Variants in TANK observed in about 807,000 individuals in gnomAD.
The protein encoded by TANK is TRAF family member associated NFKB activator.
Under a neutral mutation model 43.6 loss-of-function variants are expected in TANK, and 15 were observed. The observed-to-expected ratio is 0.34, with a 90% CI of 0.23 to 0.53. TANK has a LOEUF of 0.53. Among genes scored for constraint, TANK ranks in the 20% least tolerant of loss-of-function variants. The pLI, the probability that TANK is intolerant of heterozygous loss-of-function variation, is 0.94. For missense variants in TANK, 417 were observed against 498.6 expected (o/e 0.84, Z 1.56); for synonymous variants, 162 against 178.2 (o/e 0.91, Z 0.73).
At chr2:161,155,000 C>T (rs1193554784) in intron 1 of TANK, among the ~76,000 whole-genome samples, 1 of 152,068 alleles carries the variant, frequency 6.6e-6, no homozygotes, top group Non-Finnish European at 1.5e-5. Context: ...CTGCCTTGGC[C>T]TCTCAAAGTG....
At chr2:161,164,994 T>G (rs3769981) in intron 1 of TANK, among the ~76,000 whole-genome samples, 16,941 of 151,192 alleles carry the variant, frequency 0.11, 1,618 homozygotes, top group African/African-American at 0.25. Context: ...AGAGTAAACA[T>G]TTTGAGTACT....
At chr2:161,176,727 T>G (rs1685189533) in intron 1 of TANK, among the ~76,000 whole-genome samples, 1 of 152,108 alleles carries the variant, frequency 6.6e-6, no homozygotes, top group Non-Finnish European at 1.5e-5. Flanking sequence ...CCCAAAAGAT[T>G]TAGTGGCCCT....
In TANK at chr2:161,231,205, G is replaced by A. The variant is rs762086999; in HGVS notation, c.755G>A (p.Arg252Lys). The A allele has an allele frequency of 6.2e-7, 1 of 1,613,970 alleles. No homozygotes were observed. Among genetic ancestry groups the A allele is most frequent in the East Asian group, 2.2e-5 (1 of 44,886 alleles). Residue 252 changes from arginine to lysine, a missense_variant, in exon 7 of 8, where the codon AGA becomes AAA. Arg to Lys is a conservative substitution (Grantham distance 26, BLOSUM62 2). Transcript: ENST00000392749. Reference sequence around the variant, plus strand: ...ACTTTCTTACATAGCACTCCAGAGAGACCCGGCATCCTTAGTCCTGCCACG... The same window carrying A: ...ACTTTCTTACATAGCACTCCAGAGAAACCCGGCATCCTTAGTCCTGCCACG... The part of the protein sequence containing the change: ...DSTFLHSTPE[R>K]PGILSPATSE...
At chr2:161,234,360 T>C (rs1336805793) in intron 7 of TANK, among the ~76,000 whole-genome samples, 1 of 152,202 alleles carries the variant, frequency 6.6e-6, no homozygotes, top group Non-Finnish European at 1.5e-5. Flanking sequence ...TGATTCTTCT[T>C]AAAATATCAG....
intron 1 of TANK, among the ~76,000 whole-genome samples, chr2:161,143,957 T>C (rs2105215396): frequency 6.6e-6 from 1 of 152,266 alleles, no homozygotes; most frequent in East Asian, 1.9e-4. Flanking sequence ...CTTTTGTTGG[T>C]TGGTAGGGTA....
chr2:161,223,094 C>T (rs1687431718), intron 4 of TANK: 1 of 152,080 alleles, frequency 6.6e-6, no homozygotes, highest in Non-Finnish European at 1.5e-5. Flanking sequence ...GACAGATATC[C>T]ACTGGTTTGG....
At chr2:161,173,900 G>T (rs1685064993) in intron 1 of TANK, among the ~76,000 whole-genome samples, 1 of 152,088 alleles carries the variant, frequency 6.6e-6, no homozygotes, top group East Asian at 1.9e-4. Flanking sequence ...AGTGTTCTAG[G>T]TGGCTTGTCA....
At chr2:161,172,303 T>C (rs1043282502) in intron 1 of TANK, among the ~76,000 whole-genome samples, 2 of 151,908 alleles carry the variant, frequency 1.3e-5, no homozygotes, top group African/African-American at 2.4e-5. Flanking sequence ...GGTACAATAA[T>C]GCGTATTGCT....
At chr2:161,217,016 A>G (rs1687145720) in intron 4 of TANK, among the ~76,000 whole-genome samples, 1 of 152,212 alleles carries the variant, frequency 6.6e-6, no homozygotes, top group Non-Finnish European at 1.5e-5. Context: ...TTTCTGTGTG[A>G]ACATAAATTT....
At chr2:161,207,439 TA>T in intron 4 of TANK, 4 of 981,760 alleles carry the variant, frequency 4.1e-6, no homozygotes, top group Non-Finnish European at 4.8e-6. Flanking sequence ...TTAATAAAAA[TA>T]AAAATTAACT....
chr2:161,171,551 A>T (rs1456640620), intron 1 of TANK, among the ~76,000 whole-genome samples: 1 of 152,186 alleles, frequency 6.6e-6, no homozygotes, highest in Non-Finnish European at 1.5e-5. Context: ...CTTTATAATT[A>T]TGTAGGTTTT....
upstream of TANK, among the ~76,000 whole-genome samples, chr2:161,156,942 A>T (rs140912163): frequency 6.6e-6 from 1 of 152,326 alleles, no homozygotes; most frequent in African/African-American, 2.4e-5. Flanking sequence ...AACCCCTTTC[A>T]TTATTAGTTT....
intron 1 of TANK, chr2:161,160,818 T>G: frequency 1.9e-6 from 1 of 537,654 alleles, no homozygotes; most frequent in Non-Finnish European, 3.7e-6. Flanking sequence ...GCCTGCGGTG[T>G]CGAGGTGAGC....
upstream of TANK, among the ~76,000 whole-genome samples, chr2:161,158,153 T>G (rs1218412889): frequency 1.3e-5 from 2 of 152,222 alleles, no homozygotes; most frequent in African/African-American, 4.8e-5. Context: ...GTGTTAGGAT[T>G]ATATGTGTGA....
intron 2 of TANK, chr2:161,180,166 A>T (rs1273177190): frequency 1.0e-4 from 95 of 946,726 alleles, no homozygotes; most frequent in Non-Finnish European, 1.2e-4. Flanking sequence ...TTCAAATCTT[A>T]AAATATTTAA....
At chr2:161,152,617 A>T (rs1344435449) in intron 1 of TANK, among the ~76,000 whole-genome samples, 1 of 152,166 alleles carries the variant, frequency 6.6e-6, no homozygotes, top group Non-Finnish European at 1.5e-5. Flanking sequence ...GAGTATCTGT[A>T]CAATGAAATA....
chr2:161,202,346 C>T (rs975828196), intron 2 of TANK, among the ~76,000 whole-genome samples: 4 of 151,586 alleles, frequency 2.6e-5, no homozygotes, highest in Admixed American at 6.6e-5. Context: ...CCTGCCACCA[C>T]GCCTGGCTAA....
chr2:161,192,331 A>T (rs184296577), intron 2 of TANK, among the ~76,000 whole-genome samples: 295 of 152,324 alleles, frequency 1.9e-3, no homozygotes, highest in Admixed American at 4.6e-3. Context: ...GCTGCGTGGA[A>T]TAATACTACC....
Position 161,169,321 on chromosome 2 carries a change from A to G in TANK, c.-50+8835A>G, listed in dbSNP as rs116201866. Among the ~76,000 whole-genome samples the G allele has an allele frequency of 8.0e-3, 1,217 of 152,370 alleles. 11 individuals are homozygous for G. The highest frequency in any genetic ancestry group is 0.024 in the Middle Eastern group (7 of 292). On this transcript the variant is annotated intron_variant, in intron 1 of 7. Transcript: ENST00000392749. ...GTGATAATAGGAAACAAAGCAAACA[A>G]GAATTTTCAGGGAAAAAAGTTTTCA...
Sources: allele counts gnomAD v4.1 joint callset (sites outside exome capture counted in the v4.1 genomes callset), GRCh38; gene constraint gnomAD v4.1.1; transcripts MANE v1.5; gene names NCBI Gene and HGNC (gene_info 2026-07-23, HGNC 2026-07-21).